CPAMD8: variants seen among roughly 807,000 people sequenced by gnomAD.
CPAMD8 encodes the protein C3 and PZP like alpha-2-macroglobulin domain containing 8.
In CPAMD8, 146 loss-of-function variants were observed where a neutral mutation model predicts 224.7. That is an observed-to-expected ratio of 0.65 (90% CI 0.57 to 0.75). The LOEUF is 0.75. CPAMD8 is among the 30% of genes least tolerant of loss of function. The pLI, the probability that CPAMD8 is intolerant of heterozygous loss-of-function variation, is 0.00. For synonymous variants in CPAMD8, 966 were observed against 1,044.6 expected (o/e 0.92, Z 1.45); for missense variants, 2,301 against 2,537.5 (o/e 0.91, Z 2.00).
chr19:16,967,581 C>T (rs1158473332), intron 18 of CPAMD8, among the ~76,000 whole-genome samples: 3 of 151,840 alleles, frequency 2.0e-5, no homozygotes, highest in Middle Eastern at 3.4e-3. Context: ...CCAAGGCTGG[C>T]GGATCATGAG....
At chr19:16,934,217 G>A (rs115368234) in intron 23 of CPAMD8, among the ~76,000 whole-genome samples, 1,714 of 152,246 alleles carry the variant, frequency 0.011, 28 homozygotes, top group African/African-American at 0.039. Flanking sequence ...CTCTTGGGAG[G>A]TGAAGGAAAT....
At chr19:16,914,150 A>G (rs1174151130) in intron 29 of CPAMD8, among the ~76,000 whole-genome samples, 2 of 152,152 alleles carry the variant, frequency 1.3e-5, no homozygotes, top group African/African-American at 4.8e-5. Flanking sequence ...GGGGCTGTGG[A>G]CAGTCATGGG....
intron 34 of CPAMD8, 48 bp downstream of exon 34, chr19:16,903,513 G>T (rs2052343808): frequency 6.2e-7 from 1 of 1,611,822 alleles, no homozygotes; most frequent in African/African-American, 1.3e-5. Flanking sequence ...AGGGAATGGG[G>T]CACAGGAGGA....
chr19:16,966,465 T>G (rs1261824394), intron 18 of CPAMD8, among the ~76,000 whole-genome samples: 1 of 152,214 alleles, frequency 6.6e-6, no homozygotes, highest in East Asian at 1.9e-4. Context: ...CCAAAAGCAA[T>G]GGCAACAAAA....
chr19:17,008,113 G>T (rs1451903454), intron 7 of CPAMD8, among the ~76,000 whole-genome samples: 1 of 152,246 alleles, frequency 6.6e-6, no homozygotes, highest in Non-Finnish European at 1.5e-5. Context: ...AGGTTGCAGT[G>T]AGCTGAGATT....
At chr19:16,937,061 C>A (rs1409814915) in intron 23 of CPAMD8, among the ~76,000 whole-genome samples, 2 of 117,676 alleles carry the variant, frequency 1.7e-5, no homozygotes, top group Non-Finnish European at 3.4e-5. Context: ...TCCTTCCCTC[C>A]TGCCTTCCTT....
intron 29 of CPAMD8, among the ~76,000 whole-genome samples, chr19:16,911,566 G>C (rs1352389779): frequency 6.6e-6 from 1 of 150,692 alleles, no homozygotes; most frequent in Non-Finnish European, 1.5e-5. Context: ...TATTTTTTGA[G>C]ACAGAGTCTG....
Position 16,996,391 on chromosome 19 carries a change from G to A in CPAMD8, c.1095+720C>T, listed in dbSNP as rs190094984. On this transcript the variant is annotated intron_variant, in intron 11 of 41. Transcript: ENST00000443236. ...ACATCTGGACACCTCAAAATTTACC[G>A]TGCATAAGACTTGAGTGGTGGGTGG... Among the ~76,000 whole-genome samples, 68 of 152,096 alleles carry A rather than the reference G, an allele frequency of 4.5e-4. 1 individual carries two copies. The highest frequency in any genetic ancestry group is 1.5e-3 in the African/African-American group (61 of 41,484).
intron 20 of CPAMD8, among the ~76,000 whole-genome samples, chr19:16,947,429 C>T (rs1051533265): frequency 1.3e-5 from 2 of 152,206 alleles, no homozygotes; most frequent in Admixed American, 1.3e-4. Flanking sequence ...ACTTGGCCTT[C>T]TCATGCCCAT....
At chr19:16,936,117 AG>A (rs1314014554) in intron 23 of CPAMD8, among the ~76,000 whole-genome samples, 1 of 151,912 alleles carries the variant, frequency 6.6e-6, no homozygotes, top group Non-Finnish European at 1.5e-5. Context: ...TTGTAGAGAC[AG>A]GGTCTCATCA....
At position 16,902,772 on chromosome 19, in the gene CPAMD8, G is replaced by A. The variant is rs200142695; in HGVS notation, c.4562C>T (p.Pro1521Leu). Residue 1521 changes from proline to leucine, a missense_variant, in exon 35 of 42, where the codon CCG (proline) becomes CTG (leucine). By Grantham distance (98) the Pro-to-Leu change is moderately conservative. Transcript: ENST00000443236. ...AGCTGCGGAGGCAGGCATGGGGGGCGGGCGTCCCTGGGCCTCAGGCTCCTG... is the reference window on the plus strand; with the variant it reads ...AGCTGCGGAGGCAGGCATGGGGGGCAGGCGTCCCTGGGCCTCAGGCTCCTG... Reference protein sequence around the residue: ...SLQEPEAQGRPPPMPASAAEG... With the variant: ...SLQEPEAQGRLPPMPASAAEG... 178 of 1,590,372 alleles carry A rather than the reference G, an allele frequency of 1.1e-4. No homozygotes were observed. In the Middle Eastern group the frequency reaches 1.9e-3, roughly 17 times the overall value.
chr19:16,989,757 T>C lies in CPAMD8; in HGVS notation c.1281A>G (p.Ala427=). ...QHVWLETKVM[A]LNGKPVGAQY... is the part of the protein sequence containing the mutation. ...GAGCCCCCACAGGCTTCCCGTTCAG[T>C]GCCATCACCTTGGTCTGAGAAGAGA... Residue 427 remains alanine (A), a synonymous_variant, in exon 13 of 42, where the codon GCA becomes GCG. Transcript: ENST00000443236. 6.2e-7 allele frequency: 1 copy of C among 1,614,000 alleles called. No homozygotes were observed. Among genetic ancestry groups the C allele is most frequent in the Non-Finnish European group, 8.5e-7 (1 of 1,179,910 alleles).
chr19:16,943,846 C>T (rs2053985721), intron 22 of CPAMD8, among the ~76,000 whole-genome samples: 1 of 152,170 alleles, frequency 6.6e-6, no homozygotes, highest in Admixed American at 6.6e-5. Context: ...GGCTCTCACT[C>T]CAGAGCCCAC....
chr19:16,914,672 C>G lies in CPAMD8; in HGVS notation c.3771G>C (p.Leu1257=). 1 of 1,614,020 alleles carries G rather than the reference C, an allele frequency of 6.2e-7. No individual in the cohort carries two copies. Among genetic ancestry groups the G allele is most frequent in the Non-Finnish European group, 8.5e-7 (1 of 1,179,958 alleles). The stretch of plus-strand genomic sequence containing the variant: ...GGCCACTCACCTGGATGTCCTTGTT[C>G]AGGACCCTGCCCACGGCCAGGAAGG... The part of the protein sequence containing the change: ...DGSFLAVGRV[L]NKDIQGGIHG... Residue 1257 remains leucine (L), a synonymous_variant, in exon 28 of 42, where the codon CTG becomes CTC. Transcript: ENST00000443236.
At chr19:17,006,246 G>A (rs899084811) in intron 7 of CPAMD8, among the ~76,000 whole-genome samples, 1 of 152,190 alleles carries the variant, frequency 6.6e-6, no homozygotes, top group African/African-American at 2.4e-5. Flanking sequence ...ACAGGTGTGA[G>A]CCACCAAGCC....
At chr19:16,962,223 T>C (rs553872002) in intron 18 of CPAMD8, among the ~76,000 whole-genome samples, 13 of 152,304 alleles carry the variant, frequency 8.5e-5, no homozygotes, top group African/African-American at 3.1e-4. Context: ...CTTCAGAAGG[T>C]TGGTAATAAC....
At chr19:17,008,663 C>A (rs1489274624) in intron 6 of CPAMD8, 104 bp from the exon 7 acceptor site, 13 of 1,271,422 alleles carry the variant, frequency 1.0e-5, no homozygotes, top group Non-Finnish European at 1.5e-5. Context: ...GCATGTCAAC[C>A]ATGCAGCGAA....
At chr19:17,012,440 T>G (rs1001076034) in intron 3 of CPAMD8, among the ~76,000 whole-genome samples, 1 of 151,608 alleles carries the variant, frequency 6.6e-6, no homozygotes, top group African/African-American at 2.4e-5. Context: ...CTTGGCCTGC[T>G]GGGCGCAAGC....
chr19:16,979,638 C>T (rs910074398), intron 14 of CPAMD8, among the ~76,000 whole-genome samples: 1 of 152,172 alleles, frequency 6.6e-6, no homozygotes, highest in Non-Finnish European at 1.5e-5. Context: ...ATCCATCTTT[C>T]TATCTGTCCA....
Sources: allele counts gnomAD v4.1 joint callset (sites outside exome capture counted in the v4.1 genomes callset), GRCh38; gene constraint gnomAD v4.1.1; transcripts MANE v1.5; gene names NCBI Gene and HGNC (gene_info 2026-07-23, HGNC 2026-07-21).